Variants in GALC observed in about 807,000 individuals in gnomAD.
GALC encodes the protein galactocerebrosidase.
Under a neutral mutation model 91.8 loss-of-function variants are expected in GALC, and 77 were observed. The observed-to-expected ratio is 0.84, with a 90% CI of 0.70 to 1.01. GALC has a LOEUF of 1.01. Among genes scored for constraint, GALC ranks in the 50% least tolerant of loss-of-function variants. The pLI is 0.00. For missense variants in GALC, 882 were observed against 855.9 expected, an observed-to-expected ratio of 1.03 and a Z score of -0.38; for synonymous variants, 357 against 306.7, an observed-to-expected ratio of 1.16 and a Z score of -1.71.
intron 1 of GALC, 150 bp downstream of exon 1, chr14:87,992,820 C>G: frequency 1.4e-6 from 2 of 1,403,912 alleles, no homozygotes; most frequent in Non-Finnish European, 1.8e-6. Context: ...AGCGGGCCCG[C>G]CCCAACCGCC....
intron 11 of GALC, 115 bp downstream of exon 11, chr14:87,950,544 T>C: frequency 1.4e-6 from 1 of 698,068 alleles, no homozygotes; most frequent in Non-Finnish European, 2.5e-6. Flanking sequence ...TGTCAATTCA[T>C]ATGCAAACTG....
intron 13 of GALC, 101 bp downstream of exon 13, chr14:87,947,626 CT>C: frequency 8.8e-7 from 1 of 1,137,902 alleles, no homozygotes; most frequent in South Asian, 1.2e-5. Context: ...AATGAATGTG[CT>C]TTTGACAGCC....
chr14:87,953,457 T>C, intron 10 of GALC: 5 of 1,558,328 alleles, frequency 3.2e-6, no homozygotes, highest in Non-Finnish European at 2.6e-6. Context: ...AAACAGAAAA[T>C]AGCCACATTC....
intron 1 of GALC, chr14:87,992,551 G>A (rs988566368): frequency 1.3e-6 from 2 of 1,512,680 alleles, no homozygotes; most frequent in Non-Finnish European, 1.8e-6. Flanking sequence ...ATCCCACTGG[G>A]GCGTTCTCTT....
At chr14:87,953,287 A>T in intron 10 of GALC, 2 of 1,485,176 alleles carry the variant, frequency 1.3e-6, no homozygotes, top group Non-Finnish European at 1.9e-6. Context: ...GAGTCCTATA[A>T]ATAAAGGGAA....
At chr14:87,966,971 A>T (rs192904929) in intron 8 of GALC, among the ~76,000 whole-genome samples, 1 of 152,316 alleles carries the variant, frequency 6.6e-6, no homozygotes, top group Admixed American at 6.5e-5. Context: ...GGCACTGACT[A>T]GATGGACAGA....
At chr14:87,974,596 C>G (rs1294500957) in intron 7 of GALC, among the ~76,000 whole-genome samples, 1 of 150,424 alleles carries the variant, frequency 6.6e-6, no homozygotes, top group Non-Finnish European at 1.5e-5. Context: ...ATACAAAATA[C>G]CTGAACAATA....
chr14:87,953,307 G>A (rs1885387306), intron 10 of GALC: 10 of 1,479,184 alleles, frequency 6.8e-6, no homozygotes, highest in Non-Finnish European at 9.4e-6. Flanking sequence ...ATGTAAACAT[G>A]GAGACTGAAC....
intron 2 of GALC, 37 bp from the exon 3 acceptor site, chr14:87,988,244 A>G: frequency 6.4e-7 from 1 of 1,563,624 alleles, no homozygotes; most frequent in East Asian, 2.2e-5. Flanking sequence ...ATAGTGTTGT[A>G]TTGTATGAAG....
chr14:87,965,362 A>C, intron 9 of GALC, 143 bp downstream of exon 9: 1 of 877,708 alleles, frequency 1.1e-6, no homozygotes, highest in African/African-American at 1.7e-5. Flanking sequence ...TATTCTTATA[A>C]AACACTGGCA....
At chr14:87,940,159 G>A (rs1884775096) in intron 15 of GALC, among the ~76,000 whole-genome samples, 178 bp from the exon 16 acceptor site, 1 of 151,718 alleles carries the variant, frequency 6.6e-6, no homozygotes, top group African/African-American at 2.4e-5. Context: ...TTTTCATTTA[G>A]CCATGCATTT....
chr14:87,961,548 G>T (rs1473219534), intron 10 of GALC, among the ~76,000 whole-genome samples: 3 of 152,098 alleles, frequency 2.0e-5, no homozygotes, highest in African/African-American at 7.2e-5. Flanking sequence ...GCCATGATGG[G>T]GTTCAAGACA....
intron 9 of GALC, 48 bp downstream of exon 9, chr14:87,965,457 G>A: frequency 6.3e-7 from 1 of 1,596,500 alleles, no homozygotes; most frequent in Non-Finnish European, 8.6e-7. Flanking sequence ...TTTCTGCTTT[G>A]TCTCTTAGAG....
intron 8 of GALC, among the ~76,000 whole-genome samples, chr14:87,966,109 A>C (rs1187610509): frequency 6.6e-6 from 1 of 152,210 alleles, no homozygotes; most frequent in Non-Finnish European, 1.5e-5. Context: ...CTGGGTTTAA[A>C]CCATGGTTTC....
intron 8 of GALC, 39 bp downstream of exon 8, chr14:87,968,296 T>G: frequency 1.3e-6 from 2 of 1,536,770 alleles, no homozygotes; most frequent in Non-Finnish European, 8.9e-7. Context: ...TTTTTAAATT[T>G]TTTTTGATAA....
intron 6 of GALC, among the ~76,000 whole-genome samples, chr14:87,978,045 C>T (rs1886577243): frequency 6.6e-6 from 1 of 152,108 alleles, no homozygotes; most frequent in Admixed American, 6.5e-5. Flanking sequence ...TGAATTTCAT[C>T]ACCCTGAAGT....
chr14:87,945,431 A>G (rs1885030824), intron 14 of GALC, 122 bp downstream of exon 14: 1 of 791,914 alleles, frequency 1.3e-6, no homozygotes, highest in Non-Finnish European at 2.2e-6. Context: ...TTAATATTAC[A>G]TATTACACAT....
chr14:87,954,028 AGGACCAATG>A, intron 10 of GALC: 1 of 1,609,890 alleles, frequency 6.2e-7, no homozygotes, highest in South Asian at 1.1e-5. Flanking sequence ...GTTATTCATG[AGGACCAATG>A]GGTTGGCGAG....
chr14:87,943,680 T>A (rs1181682694), intron 14 of GALC, among the ~76,000 whole-genome samples: 1 of 151,984 alleles, frequency 6.6e-6, no homozygotes, highest in Non-Finnish European at 1.5e-5. Context: ...ATCTCCACCA[T>A]AAAGTGGTTG....
Sources: allele counts gnomAD v4.1 joint callset (sites outside exome capture counted in the v4.1 genomes callset), GRCh38; gene constraint gnomAD v4.1.1; transcripts MANE v1.5; gene names NCBI Gene and HGNC (gene_info 2026-07-23, HGNC 2026-07-21).